Variants in DPH6 observed in about 807,000 individuals in gnomAD.
DPH6 encodes diphthine--ammonia ligase.
Under a neutral mutation model 38.2 loss-of-function variants are expected in DPH6, and 33 were observed. The ratio of observed to expected loss-of-function variants is 0.86; its 90% CI spans 0.65 to 1.15. The LOEUF (loss-of-function observed/expected upper bound fraction) is 1.15. Ranked by LOEUF, DPH6 falls within the 50% of genes most tolerant of loss-of-function variation. DPH6 has a pLI of 0.00. For missense variants in DPH6, 325 were observed against 320.0 expected (o/e 1.02, Z -0.12); for synonymous variants, 108 against 103.0 (o/e 1.05, Z -0.30).
Position 35,449,948 on chromosome 15 carries a change from A to C in DPH6, c.505+737T>G, listed in dbSNP as rs144849365. 3.1e-3 allele frequency among the ~76,000 whole-genome samples: 469 copies of C among 152,284 alleles called. 2 individuals are homozygous for C. The highest frequency in any genetic ancestry group is 0.011 in the African/African-American group (446 of 41,572). ...CAAGGTAAACACTTTCAAATGAGGT[A>C]CATGATTTAGGCTTTGGGAACTCTC... On this transcript the variant is annotated intron_variant, in intron 5 of 8. Coordinates refer to ENST00000256538, the MANE Select transcript of DPH6 (RefSeq NM_080650.4).
chr15:35,528,823 T>G (rs1013184550), intron 3 of DPH6, among the ~76,000 whole-genome samples: 8 of 152,224 alleles, frequency 5.3e-5, no homozygotes, highest in African/African-American at 1.9e-4. Flanking sequence ...CTCTTGCATT[T>G]TTTATAAAAA....
Position 35,244,637 on chromosome 15 carries a change from C to A in DPH6, n.201-24055G>T, listed in dbSNP as rs867311057. Among the ~76,000 whole-genome samples the A allele has an allele frequency of 3.9e-5, 6 of 152,142 alleles. No individual in the cohort carries two copies. In the South Asian group the frequency reaches 1.0e-3, roughly 26 times the overall value. On this transcript the variant is annotated intron_variant and non_coding_transcript_variant, in intron 3 of 3. Transcript: ENST00000560386. Reference sequence around the variant, plus strand: ...TATCTTAAGTAAAAGCAGTGATTATCCCATATATCCAGAAGAGTATTTTTT... The same window carrying A: ...TATCTTAAGTAAAAGCAGTGATTATACCATATATCCAGAAGAGTATTTTTT...
chr15:35,478,366 TACACACACACACACACACAC>T (rs66521447), intron 3 of DPH6, among the ~76,000 whole-genome samples: 2 of 142,062 alleles, frequency 1.4e-5, no homozygotes, highest in Non-Finnish European at 3.0e-5. Flanking sequence ...TACCCACACA[TACACACACACACACACACAC>T]ACACACACAC....
chr15:35,288,806 T>C (rs1173547371), intron 3 of DPH6, among the ~76,000 whole-genome samples: 1 of 152,194 alleles, frequency 6.6e-6, no homozygotes, highest in African/African-American at 2.4e-5. Flanking sequence ...TCTGATTGAA[T>C]GATAGGAAAA....
intron 1 of DPH6, among the ~76,000 whole-genome samples, chr15:35,542,945 A>AACATATATATATATATATATAT (rs918808642): frequency 3.3e-5 from 1 of 30,226 alleles, no homozygotes; most frequent in African/African-American, 8.2e-5. Context: ...CCACTTAAGG[A>AACATATATATATATATATATAT]ATATATATAT....
the DPH6 span, among the ~76,000 whole-genome samples, chr15:35,189,979 G>A: frequency 6.6e-6 from 1 of 152,092 alleles, no homozygotes; most frequent in East Asian, 1.9e-4. Flanking sequence ...GTCCAGGTGT[G>A]GTTACATTTC....
At position 35,515,390 on chromosome 15, in the gene DPH6, C is replaced by T. The variant is rs562120897; in HGVS notation, c.312+22884G>A. 1.9e-3 allele frequency among the ~76,000 whole-genome samples: 290 copies of T among 151,934 alleles called. 5 individuals carry two copies. Among genetic ancestry groups the T allele is most frequent in the Middle Eastern group, 0.014 (4 of 294 alleles). On this transcript the variant is annotated intron_variant, in intron 3 of 8. Transcript: ENST00000256538. ...GGAGGACTCCTTGAGGCCAGAGGTTCGTGACCAGCCTGGGTAACACAACAA... is the reference window on the plus strand; with the variant it reads ...GGAGGACTCCTTGAGGCCAGAGGTTTGTGACCAGCCTGGGTAACACAACAA...
downstream of DPH6, among the ~76,000 whole-genome samples, chr15:35,327,992 T>C (rs2052298590): frequency 6.6e-6 from 1 of 152,200 alleles, no homozygotes; most frequent in African/African-American, 2.4e-5. Context: ...GCTATGACTG[T>C]ACCTTGTTTA....
At chr15:35,429,337 T>C (rs902510632) in intron 5 of DPH6, among the ~76,000 whole-genome samples, 1 of 152,106 alleles carries the variant, frequency 6.6e-6, no homozygotes, top group African/African-American at 2.4e-5. Flanking sequence ...TTCAGAACTG[T>C]TTATATTTAC....
chr15:35,289,810 A>G (rs1037833208), intron 3 of DPH6, among the ~76,000 whole-genome samples: 1 of 152,232 alleles, frequency 6.6e-6, no homozygotes, highest in East Asian at 1.9e-4. Flanking sequence ...CATGTAATGC[A>G]CTAAAATTGA....
chr15:35,282,589 C>T, intron 3 of DPH6: 1 of 360,750 alleles, frequency 2.8e-6, no homozygotes, highest in Non-Finnish European at 5.7e-6. Flanking sequence ...CTGGGTGATG[C>T]TCCAGAATGG....
intron 3 of DPH6, among the ~76,000 whole-genome samples, chr15:35,470,467 TGAAACAG>T (rs2054184408): frequency 6.6e-6 from 1 of 152,076 alleles, no homozygotes; most frequent in Non-Finnish European, 1.5e-5. Context: ...GGAACTGAAC[TGAAACAG>T]GATAAGAAAA....
intron 5 of DPH6, among the ~76,000 whole-genome samples, chr15:35,436,725 G>A (rs2053720560): frequency 1.3e-5 from 2 of 148,260 alleles, no homozygotes; most frequent in South Asian, 4.4e-4. Context: ...TCTCCATCCT[G>A]TCTCAGTTAA....
At chr15:35,477,787 G>T (rs1362746871) in intron 3 of DPH6, among the ~76,000 whole-genome samples, 1 of 151,758 alleles carries the variant, frequency 6.6e-6, no homozygotes, top group Non-Finnish European at 1.5e-5. Context: ...CCATCGTAGG[G>T]TTCAGCAAAA....
chr15:35,241,315 G>T lies in DPH6; in HGVS notation n.201-20733C>A, dbSNP rs527656324. On this transcript the variant is annotated intron_variant and non_coding_transcript_variant, in intron 3 of 3. Coordinates refer to the DPH6 transcript ENST00000560386. ...CGCCGAGCTTTGGGTAACTCTCACA[G>T]TGGAAGGTTAAGTCCGTCCCGTTCT... Among the ~76,000 whole-genome samples, 7 of 142,512 alleles carry T rather than the reference G, an allele frequency of 4.9e-5. 2 individuals are homozygous for T. In the Admixed American group the frequency reaches 5.4e-4, roughly 11 times the overall value. The allele number at this position is 142,512 out of a possible 152,430, so 93.5% of individuals were successfully genotyped here.
At chr15:35,298,172 A>C in intron 3 of DPH6, 1 of 427,396 alleles carries the variant, frequency 2.3e-6, no homozygotes. Flanking sequence ...GGAGGCTGTG[A>C]CCTTTTTCCT....
intron 3 of DPH6, among the ~76,000 whole-genome samples, chr15:35,232,955 A>G (rs2051528050): frequency 6.6e-6 from 1 of 151,936 alleles, no homozygotes; most frequent in Non-Finnish European, 1.5e-5. Context: ...GATATTCATC[A>G]ACAGACAATT....
chr15:35,362,672 T>C (rs2052623387), intron 3 of DPH6, among the ~76,000 whole-genome samples: 1 of 152,340 alleles, frequency 6.6e-6, no homozygotes. Context: ...AGTTGGAATG[T>C]ACCTTTAACA....
chr15:35,184,249 T>C, the DPH6 span, among the ~76,000 whole-genome samples: 1 of 152,232 alleles, frequency 6.6e-6, no homozygotes, highest in African/African-American at 2.4e-5. Flanking sequence ...CCAAGTCTGA[T>C]AGACAGGATG....
Sources: gnomAD v4.1 joint callset for allele counts (sites outside exome capture counted in the v4.1 genomes callset) on GRCh38, gnomAD v4.1.1 for gene constraint, MANE v1.5 for transcripts, NCBI Gene and HGNC (gene_info 2026-07-23, HGNC 2026-07-21) for gene names.